Variants in TBC1D22A observed in about 807,000 individuals in gnomAD.
TBC1D22A encodes the protein TBC1 domain family member 22A, also known as putative GTPase activator.
Under a neutral mutation model 60.2 loss-of-function variants are expected in TBC1D22A, and 38 were observed. The ratio of observed to expected loss-of-function variants is 0.63; its 90% CI spans 0.49 to 0.83. The LOEUF (loss-of-function observed/expected upper bound fraction) is 0.83. Ranked by LOEUF, TBC1D22A falls within the 40% of genes least tolerant of loss-of-function variation. The pLI is 0.00. For missense variants in TBC1D22A, 628 were observed against 701.0 expected (o/e 0.90, Z 1.18); for synonymous variants, 302 against 281.7 (o/e 1.07, Z -0.72).
At chr22:47,019,941 G>C (rs2010512) in intron 10 of TBC1D22A, among the ~76,000 whole-genome samples, 7 of 103,644 alleles carry the variant, frequency 6.8e-5, no homozygotes, top group African/African-American at 1.1e-4. Context: ...CCTCCATCAT[G>C]CCCTCTCCCT....
chr22:46,992,351 C>CGAGG (rs1218547288), intron 9 of TBC1D22A, among the ~76,000 whole-genome samples: 1 of 152,250 alleles, frequency 6.6e-6, no homozygotes, highest in Non-Finnish European at 1.5e-5. Flanking sequence ...GACTCAGCAC[C>CGAGG]GAGGATGTTA....
intron 11 of TBC1D22A, among the ~76,000 whole-genome samples, chr22:47,083,619 T>C (rs775716932): frequency 5.3e-5 from 8 of 152,188 alleles, no homozygotes; most frequent in Non-Finnish European, 1.0e-4. Flanking sequence ...CAGGGGAGGC[T>C]CCTTACCCTT....
chr22:47,128,009 TC>T (rs1370250051), intron 12 of TBC1D22A, among the ~76,000 whole-genome samples: 13 of 28,176 alleles, frequency 4.6e-4, no homozygotes, highest in East Asian at 1.6e-3. Context: ...ACCCCACCCA[TC>T]CCCCCATCCT....
At chr22:46,992,560 T>C (rs970480466) in intron 9 of TBC1D22A, among the ~76,000 whole-genome samples, 1 of 152,206 alleles carries the variant, frequency 6.6e-6, no homozygotes, top group African/African-American at 2.4e-5. Flanking sequence ...CAAGCAGGAC[T>C]CTCCGGGGAT....
intron 11 of TBC1D22A, among the ~76,000 whole-genome samples, chr22:47,083,271 T>G (rs2064545197): frequency 6.6e-6 from 1 of 152,052 alleles, no homozygotes; most frequent in Non-Finnish European, 1.5e-5. Flanking sequence ...TTTGCTTAGA[T>G]CTCTGTGTTT....
At chr22:46,996,392 A>G (rs1236533968) in intron 9 of TBC1D22A, among the ~76,000 whole-genome samples, 2 of 152,238 alleles carry the variant, frequency 1.3e-5, no homozygotes, top group Non-Finnish European at 2.9e-5. Flanking sequence ...AAAGAGTTGG[A>G]AGCGTAGGCC....
intron 4 of TBC1D22A, among the ~76,000 whole-genome samples, chr22:46,874,562 C>CTTTTTTTTTTTT (rs747481407): frequency 9.8e-5 from 4 of 40,784 alleles, no homozygotes; most frequent in African/African-American, 4.2e-4. Flanking sequence ...ACAGGTATGT[C>CTTTTTTTTTTTT]TTTTTTTTTT....
chr22:46,999,776 A>G (rs1013537740), intron 10 of TBC1D22A, among the ~76,000 whole-genome samples: 1 of 152,260 alleles, frequency 6.6e-6, no homozygotes, highest in African/African-American at 2.4e-5. Context: ...CTGTAATCCC[A>G]GCACCTTGGG....
intron 1 of TBC1D22A, among the ~76,000 whole-genome samples, chr22:46,782,646 C>T (rs1479368370): frequency 6.6e-6 from 1 of 152,206 alleles, no homozygotes; most frequent in Non-Finnish European, 1.5e-5. Context: ...TTCCCATTCT[C>T]TCCTCCCCAC....
At chr22:47,067,182 C>T (rs2063804805) in intron 11 of TBC1D22A, among the ~76,000 whole-genome samples, 1 of 152,168 alleles carries the variant, frequency 6.6e-6, no homozygotes, top group South Asian at 2.1e-4. Context: ...ACGAGAATCA[C>T]TTGAACCCGG....
chr22:47,099,249 G>A (rs545789403), intron 11 of TBC1D22A, among the ~76,000 whole-genome samples: 5 of 152,268 alleles, frequency 3.3e-5, no homozygotes, highest in African/African-American at 9.6e-5. Flanking sequence ...TGGCTGAGGC[G>A]CTGTCTATTC....
chr22:47,102,703 G>A, intron 11 of TBC1D22A, among the ~76,000 whole-genome samples: 1 of 152,260 alleles, frequency 6.6e-6, no homozygotes, highest in East Asian at 1.9e-4. Flanking sequence ...CTCCCTGGTT[G>A]GAGACATCTT....
At chr22:46,965,424 G>A (rs746111668) in intron 8 of TBC1D22A, among the ~76,000 whole-genome samples, 3 of 152,226 alleles carry the variant, frequency 2.0e-5, no homozygotes, top group African/African-American at 4.8e-5. Context: ...GACGGCCCCC[G>A]TCTCGGTACC....
rs1235843202 is a variant in TBC1D22A, at chr22:47,111,562, G to A, written c.1384G>A (p.Val462Met). Residue 462 changes from valine to methionine, a missense_variant, in exon 12 of 13, where the codon GTG becomes ATG. Transcript: ENST00000337137. Reference protein sequence around the residue: ...FHLYVCAAFLVRWRKEILEEK... With the variant: ...FHLYVCAAFLMRWRKEILEEK... Reference sequence around the variant, plus strand: ...CTTGTACGTGTGCGCTGCTTTTCTCGTGAGATGGAGGAAGGAAATACTAGA... The same window carrying A: ...CTTGTACGTGTGCGCTGCTTTTCTCATGAGATGGAGGAAGGAAATACTAGA... 5 of 1,614,122 alleles carry A rather than the reference G, an allele frequency of 3.1e-6. No homozygotes were observed. The East Asian group carries it at 6.7e-5, about 22-fold the overall frequency.
chr22:47,120,458 G>T (rs1453304305), intron 12 of TBC1D22A, among the ~76,000 whole-genome samples: 1 of 152,188 alleles, frequency 6.6e-6, no homozygotes, highest in Non-Finnish European at 1.5e-5. Context: ...TTAACAAAAT[G>T]CTTTTTAAGT....
At chr22:46,943,599 C>A (rs573911571) in intron 8 of TBC1D22A, among the ~76,000 whole-genome samples, 1 of 152,278 alleles carries the variant, frequency 6.6e-6, no homozygotes, top group South Asian at 2.1e-4. Flanking sequence ...CCATTTAATG[C>A]GTATAATTCA....
At chr22:46,854,061 C>T (rs915457798) in intron 4 of TBC1D22A, among the ~76,000 whole-genome samples, 1 of 152,112 alleles carries the variant, frequency 6.6e-6, no homozygotes, top group Non-Finnish European at 1.5e-5. Context: ...CACCCATGTG[C>T]GTTTCTGGAC....
intron 4 of TBC1D22A, among the ~76,000 whole-genome samples, chr22:46,872,952 A>T (rs1458927723): frequency 6.6e-6 from 1 of 152,214 alleles, no homozygotes; most frequent in African/African-American, 2.4e-5. Context: ...CGAATGAGCC[A>T]TATGAACCTG....
At chr22:46,970,216 C>T (rs758951962) in intron 8 of TBC1D22A, among the ~76,000 whole-genome samples, 9 of 152,140 alleles carry the variant, frequency 5.9e-5, no homozygotes, top group Admixed American at 3.3e-4. Flanking sequence ...AGAGCCGCCC[C>T]CTGCCTGACC....
Sources: allele counts gnomAD v4.1 joint callset (sites outside exome capture counted in the v4.1 genomes callset), GRCh38; gene constraint gnomAD v4.1.1; transcripts MANE v1.5; gene names NCBI Gene and HGNC (gene_info 2026-07-23, HGNC 2026-07-21).